The following TRAFD1 variants were observed in gnomAD, a reference collection of about 807,000 sequenced individuals.
TRAFD1 encodes the protein TRAF-type zinc finger domain-containing protein 1.
TRAFD1 carries 38 observed loss-of-function variants against 65.3 expected under a neutral mutation model. The ratio of observed to expected loss-of-function variants is 0.58; its 90% CI spans 0.45 to 0.76. The LOEUF (loss-of-function observed/expected upper bound fraction) is 0.76, where lower values mean the gene tolerates loss of function less well. Ranked by LOEUF, TRAFD1 falls within the 30% of genes least tolerant of loss-of-function variation. The pLI is 0.00. For synonymous variants in TRAFD1, 223 were observed against 257.2 expected (o/e 0.87, Z 1.27); for missense variants, 631 against 712.6 (o/e 0.89, Z 1.30).
intron 2 of TRAFD1, among the ~76,000 whole-genome samples, chr12:112,132,850 C>G (rs940165934): frequency 6.6e-6 from 1 of 152,152 alleles, no homozygotes; most frequent in Admixed American, 6.5e-5. Flanking sequence ...GACAGTTCTT[C>G]TAGTATTCAG....
intron 1 of TRAFD1, among the ~76,000 whole-genome samples, chr12:112,128,503 G>A (rs878877983): frequency 6.6e-6 from 1 of 152,132 alleles, no homozygotes; most frequent in Admixed American, 6.6e-5. Flanking sequence ...TTTCTGCATT[G>A]ACATCTTGTT....
intron 8 of TRAFD1, among the ~76,000 whole-genome samples, chr12:112,148,815 C>T (rs761154594): frequency 1.2e-4 from 18 of 152,182 alleles, no homozygotes; most frequent in African/African-American, 2.9e-4. Flanking sequence ...TCTGCCCAAT[C>T]GTATATGTTA....
At chr12:112,140,520 C>T (rs953871790) in intron 4 of TRAFD1, among the ~76,000 whole-genome samples, 3 of 151,550 alleles carry the variant, frequency 2.0e-5, no homozygotes, top group Non-Finnish European at 2.9e-5. Context: ...TTGTTATTTG[C>T]TCCTGGGCTT....
intron 5 of TRAFD1, chr12:112,141,425 G>A: frequency 3.1e-6 from 2 of 641,220 alleles, no homozygotes; most frequent in Non-Finnish European, 5.2e-6. Context: ...TGAGTATGAT[G>A]ACAGTGTTGT....
intron 6 of TRAFD1, 148 bp from the exon 7 acceptor site, chr12:112,145,438 C>G (rs2030211461): frequency 4.1e-6 from 3 of 724,248 alleles, no homozygotes; most frequent in Non-Finnish European, 6.7e-6. Flanking sequence ...TGGGTTCCCT[C>G]TGAGAATATA....
Position 112,151,817 on chromosome 12 carries a change from T to A in TRAFD1, c.1296T>A (p.Gly432=). 1 of 1,613,064 alleles carries A rather than the reference T, an allele frequency of 6.2e-7. No homozygotes were observed. Among genetic ancestry groups the A allele is most frequent in the Non-Finnish European group, 8.5e-7 (1 of 1,179,094 alleles). The change falls in exon 10 of 12, where the codon GGT becomes GGA. Residue 432 remains glycine, a synonymous_variant. Coordinates refer to ENST00000412615, the MANE Select transcript of TRAFD1 (RefSeq NM_006700.3). ...TCTTCTCAGGAGACCTGTCTTCTGG[T>A]TACCTGGATGATACTAAGCAGGAAA... The part of the protein sequence containing the change: ...RVRHQGDLSS[G]YLDDTKQETA...
Position 112,142,135 on chromosome 12 carries a change from C to A in TRAFD1, c.690C>A (p.Pro230=), listed in dbSNP as rs778388539. 3.1e-6 allele frequency: 5 copies of A among 1,613,902 alleles called. No homozygotes were observed. The highest frequency in any genetic ancestry group is 3.4e-6 in the Non-Finnish European group (4 of 1,179,976). Residue 230 remains proline, a synonymous_variant, in exon 6 of 12, where the codon CCC becomes CCA. Coordinates refer to ENST00000412615, the MANE Select transcript of TRAFD1 (RefSeq NM_006700.3). ...AAAGGAATAGAGGCCAACAGCCCCCCAAAGAGGGTGGTGAAGAGAGTGCAA... is the reference window on the plus strand; with the variant it reads ...AAAGGAATAGAGGCCAACAGCCCCCAAAAGAGGGTGGTGAAGAGAGTGCAA... ...RQERNRGQQP[P]KEGGEESANL...
At position 112,130,073 on chromosome 12, in the gene TRAFD1, C is replaced by T. The variant is rs1394989374; in HGVS notation, c.-12-438C>T. ...TAAGCATTCCTCTTGCACATTCCTC[C>T]TGCCTCGGCCTCTCGAGTAGCTGGG... On this transcript the variant is annotated intron_variant, in intron 1 of 11. Coordinates refer to ENST00000412615, the MANE Select transcript of TRAFD1 (RefSeq NM_006700.3). This position sits in a 1 kb window ranked among gnomAD's most constrained non-coding sequence, Gnocchi z 4.4. Among the ~76,000 whole-genome samples, 1 of 152,084 alleles carries T rather than the reference C, an allele frequency of 6.6e-6. No homozygotes were observed. Among genetic ancestry groups the T allele is most frequent in the Admixed American group, 6.6e-5 (1 of 15,244 alleles).
rs550585544 is a variant in TRAFD1, at chr12:112,130,831, G to A, written c.47+262G>A. On this transcript the variant is annotated intron_variant, in intron 2 of 11. Coordinates refer to ENST00000412615, the MANE Select transcript of TRAFD1 (RefSeq NM_006700.3). This position sits in a 1 kb window ranked among gnomAD's most constrained non-coding sequence, Gnocchi z 4.4. ...CTTGGTATCTTGGTGCTATACAAGT[G>A]CTGTTACTGTAAGCTGACAAAAAAA... Among the ~76,000 whole-genome samples the A allele has an allele frequency of 2.0e-5, 3 of 152,252 alleles. No homozygotes were observed. Among genetic ancestry groups the A allele is most frequent in the South Asian group, 4.1e-4 (2 of 4,828 alleles).
chr12:112,142,324 T>G (rs1421934137), intron 6 of TRAFD1, 29 bp downstream of exon 6: 2 of 1,587,922 alleles, frequency 1.3e-6, no homozygotes, highest in Non-Finnish European at 1.7e-6. Context: ...CACTAGCCTC[T>G]TTCTCTACAG....
Position 112,130,548 on chromosome 12 carries a change from A to C in TRAFD1, c.26A>C (p.Glu9Ala), listed in dbSNP as rs1462236997. The C allele has an allele frequency of 6.2e-7, 1 of 1,613,198 alleles. No individual in the cohort carries two copies. The highest frequency in any genetic ancestry group is 1.7e-5 in the Admixed American group (1 of 60,000). Residue 9 changes from glutamate to alanine, a missense_variant, in exon 2 of 12, where the codon GAA (glutamate) becomes GCA (alanine). Coordinates refer to ENST00000412615, the MANE Select transcript of TRAFD1 (RefSeq NM_006700.3). This position sits in a 1 kb window ranked among gnomAD's most constrained non-coding sequence, Gnocchi z 4.4. MAEFLDDQETRLCDNCKKE... is the reference protein window; with the variant it reads MAEFLDDQATRLCDNCKKE... The stretch of plus-strand genomic sequence containing the variant: ...ATGGCTGAATTTCTAGATGACCAGG[A>C]AACTCGACTGTGTGACAACTGGTAA...
Position 112,129,116 on chromosome 12 carries a change from G to A in TRAFD1, c.-12-1395G>A, listed in dbSNP as rs902520391. Among the ~76,000 whole-genome samples the A allele has an allele frequency of 3.4e-5, 5 of 149,086 alleles. No individual in the cohort carries two copies. The South Asian group carries it at 1.1e-3, about 31-fold the overall frequency. ...TGAAGAACTCTCCCAAATCAAAGGA[G>A]ATTAACTACAAGTAATAGCCAAATG... On this transcript the variant is annotated intron_variant, in intron 1 of 11. Transcript: ENST00000412615.
At chr12:112,146,979 G>A (rs1343987599) in intron 7 of TRAFD1, among the ~76,000 whole-genome samples, 1 of 140,870 alleles carries the variant, frequency 7.1e-6, no homozygotes, top group South Asian at 2.3e-4. Context: ...CTGATGGAGG[G>A]AACTTCTGTT....
chr12:112,152,163 TG>T lies in TRAFD1; in HGVS notation c.1619+27del. ...TAGGTAAGAATCAGTAGCCCAGGAA[TG>T]GGGCTTGGGAGTAGCTGAAGCGAAC... On this transcript the variant is annotated intron_variant, in intron 10 of 11. Coordinates refer to ENST00000412615, the MANE Select transcript of TRAFD1 (RefSeq NM_006700.3). This position sits in a 1 kb window ranked among gnomAD's most constrained non-coding sequence, Gnocchi z 5.0. 3 of 1,596,078 alleles carry T rather than the reference TG, an allele frequency of 1.9e-6. No individual in the cohort carries two copies. The highest frequency in any genetic ancestry group is 2.6e-6 in the Non-Finnish European group (3 of 1,170,114).
chr12:112,148,489 T>TC (rs1358196347), intron 8 of TRAFD1, among the ~76,000 whole-genome samples, 185 bp downstream of exon 8: 1 of 152,202 alleles, frequency 6.6e-6, no homozygotes, highest in Non-Finnish European at 1.5e-5. Flanking sequence ...TTTCAGACTT[T>TC]CCCTCCCTTT....
chr12:112,138,904 A>G (rs2029999917), intron 4 of TRAFD1, among the ~76,000 whole-genome samples: 1 of 151,674 alleles, frequency 6.6e-6, no homozygotes, highest in Admixed American at 6.6e-5. Context: ...TCTAAATGCT[A>G]CTCCAACATT....
At chr12:112,126,998 T>C (rs767870599) in intron 1 of TRAFD1, among the ~76,000 whole-genome samples, 2 of 152,186 alleles carry the variant, frequency 1.3e-5, no homozygotes, top group African/African-American at 2.4e-5. Flanking sequence ...TTTAAAGCCC[T>C]TCAGTGGTTT....
At chr12:112,142,409 TTTTG>T in intron 6 of TRAFD1, 114 bp downstream of exon 6, 1 of 1,259,164 alleles carries the variant, frequency 7.9e-7, no homozygotes, top group South Asian at 1.6e-5. Context: ...CCTTACTCTT[TTTTG>T]TTTCTTTTTT....
chr12:112,143,413 C>T (rs913851447), intron 6 of TRAFD1, among the ~76,000 whole-genome samples: 3 of 151,876 alleles, frequency 2.0e-5, no homozygotes, highest in Admixed American at 6.6e-5. Context: ...TTAGTAGAGA[C>T]GGGGTTTCGC....
Sources: allele counts gnomAD v4.1 joint callset (sites outside exome capture counted in the v4.1 genomes callset), GRCh38; gene constraint gnomAD v4.1.1; non-coding constraint Gnocchi (gnomAD v3.1); transcripts MANE v1.5; gene names NCBI Gene and HGNC (gene_info 2026-07-23, HGNC 2026-07-21).